Variants in PTPRO observed in about 807,000 individuals in gnomAD.
The protein encoded by PTPRO is receptor-type tyrosine-protein phosphatase O.
Under a neutral mutation model 145.2 loss-of-function variants are expected in PTPRO, and 62 were observed. That is an observed-to-expected ratio of 0.43 (90% CI 0.35 to 0.53). PTPRO has a LOEUF of 0.53. Ranked by LOEUF, PTPRO falls within the 20% of genes least tolerant of loss-of-function variation. The pLI is 0.01. For missense variants in PTPRO, 1,345 were observed against 1,482.7 expected (o/e 0.91, Z 1.53); for synonymous variants, 565 against 514.7 (o/e 1.10, Z -1.32).
chr12:15,557,319 C>A (rs1003175412), intron 15 of PTPRO, 136 bp from the exon 16 acceptor site: 7 of 816,794 alleles, frequency 8.6e-6, no homozygotes, highest in Non-Finnish European at 1.4e-5. Context: ...CGTGAGCCAC[C>A]GCACCTGGCC....
At chr12:15,527,187 G>A (rs1942857996) in intron 12 of PTPRO, among the ~76,000 whole-genome samples, 2 of 152,150 alleles carry the variant, frequency 1.3e-5, no homozygotes, top group South Asian at 2.1e-4. Flanking sequence ...GGATGCGACC[G>A]ATTCCAGAGC....
At chr12:15,474,179 G>A (rs1941604547) in intron 1 of PTPRO, among the ~76,000 whole-genome samples, 1 of 152,162 alleles carries the variant, frequency 6.6e-6, no homozygotes, top group South Asian at 2.1e-4. Flanking sequence ...CCAGATGAGG[G>A]CATTAATGGA....
chr12:15,570,562 G>C (rs1007638033), intron 19 of PTPRO, among the ~76,000 whole-genome samples: 1 of 152,106 alleles, frequency 6.6e-6, no homozygotes, highest in Non-Finnish European at 1.5e-5. Flanking sequence ...ATTCCACACA[G>C]AGCCTGCTCA....
chr12:15,587,058 T>A lies in PTPRO; in HGVS notation c.3410+7T>A. On this transcript the variant is annotated splice_region_variant and intron_variant, in intron 24 of 26. Coordinates refer to ENST00000281171, the MANE Select transcript of PTPRO (RefSeq NM_030667.3). ...CCATGATCATTCACTGCAGGTAACC[T>A]CATCAACTGCATTTTCTATTAAATA... 1 of 1,613,972 alleles carries A rather than the reference T, an allele frequency of 6.2e-7. No individual in the cohort carries two copies. Among genetic ancestry groups the A allele is most frequent in the Non-Finnish European group, 8.5e-7 (1 of 1,179,942 alleles).
chr12:15,586,707 A>G (rs189521246), intron 23 of PTPRO, among the ~76,000 whole-genome samples, 190 bp from the exon 24 acceptor site: 6 of 152,198 alleles, frequency 3.9e-5, no homozygotes, highest in Admixed American at 6.5e-5. Flanking sequence ...GAAGCTTTAT[A>G]CAATTAGCGT....
At chr12:15,579,705 A>T (rs1460706943) in intron 20 of PTPRO, among the ~76,000 whole-genome samples, 2 of 152,206 alleles carry the variant, frequency 1.3e-5, no homozygotes, top group Non-Finnish European at 2.9e-5. Context: ...GGTGAAATGA[A>T]AATCGTGTGC....
chr12:15,396,347 T>C (rs1314399238), intron 1 of PTPRO, among the ~76,000 whole-genome samples: 1 of 152,186 alleles, frequency 6.6e-6, no homozygotes, highest in Non-Finnish European at 1.5e-5. Flanking sequence ...AACATTTTCT[T>C]TTAAATGTTG....
At chr12:15,433,714 A>T (rs1940516261) in intron 1 of PTPRO, among the ~76,000 whole-genome samples, 1 of 152,142 alleles carries the variant, frequency 6.6e-6, no homozygotes, top group African/African-American at 2.4e-5. Flanking sequence ...CCTTTGGTTT[A>T]CATATCTGTT....
At chr12:15,555,244 A>G (rs80244888) in intron 15 of PTPRO, among the ~76,000 whole-genome samples, 2 of 150,830 alleles carry the variant, frequency 1.3e-5, no homozygotes, top group African/African-American at 4.9e-5. Flanking sequence ...CCGTCTCAGG[A>G]AAAAAAAAAT....
intron 1 of PTPRO, among the ~76,000 whole-genome samples, chr12:15,407,806 T>A (rs1264104548): frequency 2.6e-5 from 4 of 152,254 alleles, no homozygotes; most frequent in African/African-American, 9.6e-5. Flanking sequence ...AATTTTTCTC[T>A]GATCTTTGTG....
rs911113796 is a variant in PTPRO, at chr12:15,597,234, T to C, written c.*1161T>C. On this transcript the variant is annotated 3_prime_UTR_variant, in exon 27 of 27. Transcript: ENST00000281171. ...ATTTTGTATAATTACAGTACATGATTGTGTATTGTGACATGAATGCTGTCA... is the reference window on the plus strand; with the variant it reads ...ATTTTGTATAATTACAGTACATGATCGTGTATTGTGACATGAATGCTGTCA... The C allele has an allele frequency of 6.6e-6, 1 of 152,238 alleles. No homozygotes were observed. The highest frequency in any genetic ancestry group is 6.5e-5 in the Admixed American group (1 of 15,282). The allele number at this position is 152,238 out of a possible 1,614,324, so 9.4% of individuals were successfully genotyped here.
intron 12 of PTPRO, among the ~76,000 whole-genome samples, chr12:15,545,089 A>T (rs544477679): frequency 1.3e-5 from 2 of 152,272 alleles, no homozygotes; most frequent in East Asian, 3.9e-4. Flanking sequence ...CAGAGTCACA[A>T]TGATGATATT....
chr12:15,420,553 T>C (rs1489687103), intron 1 of PTPRO, among the ~76,000 whole-genome samples: 1 of 151,698 alleles, frequency 6.6e-6, no homozygotes, highest in African/African-American at 2.4e-5. Context: ...CATGCCACCA[T>C]TGAATGGCCC....
At chr12:15,472,490 C>T (rs1343887565) in intron 1 of PTPRO, among the ~76,000 whole-genome samples, 3 of 152,144 alleles carry the variant, frequency 2.0e-5, no homozygotes, top group African/African-American at 4.8e-5. Context: ...GATCTAAACA[C>T]TCTAGAGGTC....
At chr12:15,495,695 A>G (rs1942084811) in intron 2 of PTPRO, among the ~76,000 whole-genome samples, 1 of 152,120 alleles carries the variant, frequency 6.6e-6, no homozygotes, top group Non-Finnish European at 1.5e-5. Flanking sequence ...TGAAGTAGTG[A>G]AATTGGGATC....
At chr12:15,446,906 C>A (rs1940916273) in intron 1 of PTPRO, among the ~76,000 whole-genome samples, 1 of 152,048 alleles carries the variant, frequency 6.6e-6, no homozygotes, top group Non-Finnish European at 1.5e-5. Context: ...GGCCAAGTTG[C>A]AATTCTCTCA....
chr12:15,452,394 C>T (rs566569955), intron 1 of PTPRO, among the ~76,000 whole-genome samples: 2 of 152,208 alleles, frequency 1.3e-5, no homozygotes, highest in East Asian at 3.9e-4. Context: ...GACGGATTCA[C>T]AGGTGAATTC....
chr12:15,509,686 C>CAA (rs370128611), intron 7 of PTPRO, among the ~76,000 whole-genome samples: 4 of 130,938 alleles, frequency 3.1e-5, no homozygotes, highest in Admixed American at 7.9e-5. Flanking sequence ...GACTCCGTCT[C>CAA]AAAAAAAAAG....
rs4764199 is a variant in PTPRO, at chr12:15,503,898, T to C, written c.1106-10T>C. ...ATTCATGTATCTTCTCTTTTTTATA[T>C]ATGATTTAGAGAACTTTACTGAATA... On this transcript the variant is annotated splice_polypyrimidine_tract_variant and intron_variant, in intron 5 of 26. Transcript: ENST00000281171. The C allele has an allele frequency of 6.4e-7, 1 of 1,556,794 alleles. No homozygotes were observed. The highest frequency in any genetic ancestry group is 1.1e-5 in the South Asian group (1 of 89,630).
Sources: gnomAD v4.1 joint callset for allele counts (sites outside exome capture counted in the v4.1 genomes callset) on GRCh38, gnomAD v4.1.1 for gene constraint, MANE v1.5 for transcripts, NCBI Gene and HGNC (gene_info 2026-07-23, HGNC 2026-07-21) for gene names.